ZNF736: variants seen among roughly 807,000 people sequenced by gnomAD.
ZNF736 encodes the protein KRAB-containing zinc-finger repressor protein.
A neutral mutation model predicts 11.7 loss-of-function variants in ZNF736; 6 were observed. The observed-to-expected ratio is 0.51, with a 90% confidence interval of 0.28 to 1.01. The LOEUF (loss-of-function observed/expected upper bound fraction) is 1.01. Among genes scored for constraint, ZNF736 ranks in the 50% least tolerant of loss-of-function variants. The pLI is 0.09. For missense variants in ZNF736, 444 were observed against 496.0 expected, an observed-to-expected ratio of 0.90 and a Z score of 1.00; for synonymous variants, 139 against 164.7, an observed-to-expected ratio of 0.84 and a Z score of 1.19.
At chr7:64,326,868 T>C (rs1789089936) in intron 1 of ZNF736, among the ~76,000 whole-genome samples, 1 of 152,196 alleles carries the variant, frequency 6.6e-6, no homozygotes, top group Admixed American at 6.5e-5. Context: ...TTTTTTCTGT[T>C]AGTGATTACT....
chr7:64,353,486 TA>T lies in ZNF736; in HGVS notation c.*4340del, dbSNP rs1432810536. On this transcript the variant is annotated 3_prime_UTR_variant, in exon 4 of 4. Transcript: ENST00000423484. ...ACTTTTTTATATTAAAAGGATTCAA[TA>T]TTTTTCAAAAGCAAATTTCAATATA... 4 of 152,210 alleles carry T rather than the reference TA, an allele frequency of 2.6e-5. No homozygotes were observed. The highest frequency in any genetic ancestry group is 6.5e-5 in the Admixed American group (1 of 15,282). 9.4% of individuals were successfully genotyped at this position (152,210 alleles called of 1,614,324 possible).
At chr7:64,314,419 C>T (rs1315892158) in intron 1 of ZNF736, among the ~76,000 whole-genome samples, 10 of 152,156 alleles carry the variant, frequency 6.6e-5, no homozygotes, top group Non-Finnish European at 1.5e-4. Context: ...GCCGCAACCT[C>T]GAGTCTCCCT....
At chr7:64,341,037 T>C (rs1159091201) in intron 3 of ZNF736, among the ~76,000 whole-genome samples, 1 of 152,110 alleles carries the variant, frequency 6.6e-6, no homozygotes, top group East Asian at 1.9e-4. Context: ...TCAACTTTTT[T>C]TGTTTTATTT....
chr7:64,333,452 A>G (rs1789202133), intron 1 of ZNF736, among the ~76,000 whole-genome samples: 1 of 152,194 alleles, frequency 6.6e-6, no homozygotes, highest in Admixed American at 6.5e-5. Context: ...CCTGTTTGAG[A>G]TGGGATCAGG....
At chr7:64,318,422 C>T (rs1230223338) in intron 1 of ZNF736, among the ~76,000 whole-genome samples, 6 of 151,672 alleles carry the variant, frequency 4.0e-5, no homozygotes, top group Non-Finnish European at 8.8e-5. Context: ...AACTTTTGTC[C>T]CATTTACATG....
chr7:64,328,486 C>T (rs760150857), intron 1 of ZNF736, among the ~76,000 whole-genome samples: 6 of 152,114 alleles, frequency 3.9e-5, no homozygotes, highest in Non-Finnish European at 7.4e-5. Context: ...GTCGGCCGGG[C>T]GCGGTGGCTC....
rs1789550308 is a variant in ZNF736 at position 64,356,091 on chromosome 7, T to C, written c.*6944T>C. The stretch of plus-strand genomic sequence containing the variant: ...TTTTTAAAGTAATATAAATAATAGG[T>C]TTGTTCTGTATATTTTAATGATCTT... On this transcript the variant is annotated 3_prime_UTR_variant, in exon 4 of 4. Coordinates refer to ENST00000423484, the MANE Select transcript of ZNF736 (RefSeq NM_001170905.3). 6.5e-6 allele frequency: 1 copy of C among 153,834 alleles called. No individual in the cohort carries two copies. Among genetic ancestry groups the C allele is most frequent in the South Asian group, 2.0e-4 (1 of 5,032 alleles). 9.5% of individuals were successfully genotyped at this position (153,834 alleles called of 1,614,324 possible).
At chr7:64,320,574 C>T (rs1788990099) in intron 1 of ZNF736, among the ~76,000 whole-genome samples, 1 of 151,856 alleles carries the variant, frequency 6.6e-6, no homozygotes, top group African/African-American at 2.4e-5. Flanking sequence ...TGCTAATTCT[C>T]TGGATGTTAA....
At chr7:64,341,360 A>T (rs963836525) in intron 3 of ZNF736, among the ~76,000 whole-genome samples, 4 of 152,120 alleles carry the variant, frequency 2.6e-5, no homozygotes, top group African/African-American at 7.2e-5. Flanking sequence ...GAAAACTTAA[A>T]AACAGCCATC....
At chr7:64,345,222 C>T (rs1789392112) in intron 3 of ZNF736, among the ~76,000 whole-genome samples, 1 of 150,550 alleles carries the variant, frequency 6.6e-6, no homozygotes, top group South Asian at 2.1e-4. Flanking sequence ...CGGGGTTTCA[C>T]CATGTTAGCC....
intron 1 of ZNF736, among the ~76,000 whole-genome samples, chr7:64,319,369 ATATATATATATG>A (rs1279670307): frequency 7.9e-6 from 1 of 127,026 alleles, no homozygotes; most frequent in African/African-American, 3.1e-5. Context: ...ATATATATAT[ATATATATATATG>A]CCTGACTAAG....
chr7:64,347,382 C>T (rs1447780076), intron 3 of ZNF736, among the ~76,000 whole-genome samples: 1 of 151,992 alleles, frequency 6.6e-6, no homozygotes, highest in South Asian at 2.1e-4. Flanking sequence ...CCTGCCACCA[C>T]GCCCTGCTAA....
chr7:64,334,613 G>A lies in ZNF736; in HGVS notation c.4-1646G>A, dbSNP rs867510454. On this transcript the variant is annotated intron_variant, in intron 1 of 3. Coordinates refer to ENST00000423484, the MANE Select transcript of ZNF736 (RefSeq NM_001170905.3). ...GATACTATCTCACACCAGTTAGAATGGCGAGCATTAAAAAGTCAGGAAACA... is the reference window on the plus strand; with the variant it reads ...GATACTATCTCACACCAGTTAGAATAGCGAGCATTAAAAAGTCAGGAAACA... 2.6e-5 allele frequency among the ~76,000 whole-genome samples: 4 copies of A among 152,174 alleles called. No individual in the cohort carries two copies. In the East Asian group the frequency reaches 5.8e-4, roughly 22 times the overall value.
At chr7:64,346,070 C>T (rs2115962692) in intron 3 of ZNF736, among the ~76,000 whole-genome samples, 1 of 152,192 alleles carries the variant, frequency 6.6e-6, no homozygotes. Context: ...ATGTTTCCTT[C>T]CATTATTATA....
intron 1 of ZNF736, among the ~76,000 whole-genome samples, chr7:64,327,698 G>A (rs1789101728): frequency 6.6e-6 from 1 of 152,054 alleles, no homozygotes; most frequent in Non-Finnish European, 1.5e-5. Flanking sequence ...TTATGTATGT[G>A]TGTCTATTAC....
chr7:64,316,930 AAGAC>A (rs1446878064), intron 1 of ZNF736, among the ~76,000 whole-genome samples: 3 of 152,208 alleles, frequency 2.0e-5, no homozygotes, highest in Non-Finnish European at 4.4e-5. Flanking sequence ...TACCTGGGAA[AAGAC>A]AGAGGAAATG....
At chr7:64,335,112 G>A (rs1032661442) in intron 1 of ZNF736, among the ~76,000 whole-genome samples, 22 of 152,048 alleles carry the variant, frequency 1.4e-4, no homozygotes, top group Non-Finnish European at 2.9e-4. Context: ...ATGGACACAG[G>A]GAGGGAAACA....
chr7:64,349,179 AC>A lies in ZNF736; in HGVS notation c.*33del. ...GGAAAAGCCTTTACCAAGTCCTCATACTGTGTTCAACATCTGAAATTTAATA... is the reference window on the plus strand; with the variant it reads ...GGAAAAGCCTTTACCAAGTCCTCATATGTGTTCAACATCTGAAATTTAATA... On this transcript the variant is annotated 3_prime_UTR_variant, in exon 4 of 4. Coordinates refer to ENST00000423484, the MANE Select transcript of ZNF736 (RefSeq NM_001170905.3). 6.9e-7 allele frequency: 1 copy of A among 1,442,188 alleles called. No individual in the cohort carries two copies. The highest frequency in any genetic ancestry group is 2.5e-5 in the East Asian group (1 of 40,332). The allele number at this position is 1,442,188 out of a possible 1,614,324, so 89.3% of individuals were successfully genotyped here. A position where few individuals can be genotyped will look rare whatever the true frequency, so the allele number is the denominator to read the frequency against.
At chr7:64,320,093 T>G (rs1049424429) in intron 1 of ZNF736, among the ~76,000 whole-genome samples, 3 of 152,188 alleles carry the variant, frequency 2.0e-5, no homozygotes, top group Admixed American at 2.0e-4. Flanking sequence ...AACTAGTGAC[T>G]AAAAACCAAC....
Sources: gnomAD v4.1 joint callset for allele counts (sites outside exome capture counted in the v4.1 genomes callset) on GRCh38, gnomAD v4.1.1 for gene constraint, MANE v1.5 for transcripts, NCBI Gene and HGNC (gene_info 2026-07-23, HGNC 2026-07-21) for gene names.